The following NBAS variants were observed in gnomAD, a reference collection of about 807,000 sequenced individuals.
NBAS encodes NBAS subunit of NRZ tethering complex, also known as NAG/BC035112 fusion.
NBAS carries 219 observed loss-of-function variants against 302.5 expected under a neutral mutation model. That is an observed-to-expected ratio of 0.72 (90% CI 0.65 to 0.81). The LOEUF is 0.81. Ranked by LOEUF, NBAS falls within the 30% of genes least tolerant of loss-of-function variation. The pLI, the probability that NBAS is intolerant of heterozygous loss-of-function variation, is 0.00. For synonymous variants in NBAS, 1,118 were observed against 1,021.6 expected, an observed-to-expected ratio of 1.09 and a Z score of -1.80; for missense variants, 2,932 against 2,841.6, an observed-to-expected ratio of 1.03 and a Z score of -0.72.
At chr2:15,114,619 A>C in the NBAS span, among the ~76,000 whole-genome samples, 1 of 152,172 alleles carries the variant, frequency 6.6e-6, no homozygotes, top group Non-Finnish European at 1.5e-5. Context: ...TGATAAAACT[A>C]TAAAGAAAAA....
At chr2:15,348,611 A>G (rs1303952671) in intron 35 of NBAS, among the ~76,000 whole-genome samples, 1 of 152,192 alleles carries the variant, frequency 6.6e-6, no homozygotes, top group Non-Finnish European at 1.5e-5. Flanking sequence ...TGCTCAACAG[A>G]AAAATGATAC....
intron 21 of NBAS, among the ~76,000 whole-genome samples, chr2:15,433,445 T>C (rs1677858286): frequency 6.6e-6 from 1 of 152,194 alleles, no homozygotes; most frequent in African/African-American, 2.4e-5. Context: ...GAATACAAGA[T>C]ATATATGACT....
At chr2:14,826,468 T>C in the NBAS span, among the ~76,000 whole-genome samples, 1 of 152,158 alleles carries the variant, frequency 6.6e-6, no homozygotes, top group Non-Finnish European at 1.5e-5. Flanking sequence ...TGTGAGATAT[T>C]ATATATAAAT....
At chr2:15,542,894 C>T (rs997154024) in intron 6 of NBAS, among the ~76,000 whole-genome samples, 1 of 151,146 alleles carries the variant, frequency 6.6e-6, no homozygotes, top group Non-Finnish European at 1.5e-5. Context: ...CTTTTATATG[C>T]TAGTTACAAC....
intron 13 of NBAS, among the ~76,000 whole-genome samples, chr2:15,476,144 AACTG>A (rs1175107067): frequency 6.6e-6 from 1 of 152,160 alleles, no homozygotes; most frequent in East Asian, 1.9e-4. Context: ...AAGGCAAATA[AACTG>A]AGGTCTTTCA....
chr2:15,188,850 G>T (rs1665210066), intron 49 of NBAS, among the ~76,000 whole-genome samples: 1 of 152,170 alleles, frequency 6.6e-6, no homozygotes, highest in African/African-American at 2.4e-5. Flanking sequence ...GGAAATGAGG[G>T]TTAAGAAGAA....
At chr2:15,339,327 G>T (rs928195657) in intron 35 of NBAS, among the ~76,000 whole-genome samples, 1 of 152,056 alleles carries the variant, frequency 6.6e-6, no homozygotes, top group Non-Finnish European at 1.5e-5. Flanking sequence ...CTATTCCTAA[G>T]AAACTCATGG....
At chr2:15,242,820 A>T (rs1667925385) in intron 44 of NBAS, among the ~76,000 whole-genome samples, 1 of 152,112 alleles carries the variant, frequency 6.6e-6, no homozygotes, top group South Asian at 2.1e-4. Context: ...TATGAAAAAT[A>T]ATAATGGATT....
chr2:15,054,052 G>C, the NBAS span, among the ~76,000 whole-genome samples: 1 of 152,122 alleles, frequency 6.6e-6, no homozygotes, highest in African/African-American at 2.4e-5. Context: ...TGTCATGGAG[G>C]TCAACAATCC....
chr2:14,844,592 G>A, the NBAS span, among the ~76,000 whole-genome samples: 1 of 152,110 alleles, frequency 6.6e-6, no homozygotes, highest in Non-Finnish European at 1.5e-5. Context: ...CACACCAAGT[G>A]GGCTCATGGG....
At chr2:15,261,530 G>A (rs1459714851) in intron 44 of NBAS, among the ~76,000 whole-genome samples, 1 of 151,996 alleles carries the variant, frequency 6.6e-6, no homozygotes, top group Non-Finnish European at 1.5e-5. Context: ...AGTAATGCAG[G>A]GTATAGGCCA....
chr2:15,154,128 G>A, the NBAS span, among the ~76,000 whole-genome samples: 1 of 152,206 alleles, frequency 6.6e-6, no homozygotes. Context: ...TTGAGGCTGG[G>A]CTAATGTATC....
At chr2:14,987,306 A>T in the NBAS span, among the ~76,000 whole-genome samples, 1 of 152,084 alleles carries the variant, frequency 6.6e-6, no homozygotes, top group Non-Finnish European at 1.5e-5. Flanking sequence ...TTCATAAAAC[A>T]GTATTGCTGA....
chr2:15,310,159 T>C (rs188058159), intron 38 of NBAS, among the ~76,000 whole-genome samples: 1 of 152,340 alleles, frequency 6.6e-6, no homozygotes, highest in East Asian at 1.9e-4. Flanking sequence ...GTTGTTTGTA[T>C]AATCTCTGTT....
At chr2:14,789,284 C>T in the NBAS span, among the ~76,000 whole-genome samples, 1 of 152,202 alleles carries the variant, frequency 6.6e-6, no homozygotes. Flanking sequence ...CTTGCGCTTC[C>T]CAAGTGAGGC....
the NBAS span, among the ~76,000 whole-genome samples, chr2:15,053,851 G>A: frequency 1.3e-3 from 199 of 151,844 alleles, 1 homozygote; most frequent in Middle Eastern, 0.031. Context: ...AGGAAGGAAG[G>A]AAAAGGAGCA....
chr2:15,376,749 TAATA>T (rs1674763966), intron 30 of NBAS, among the ~76,000 whole-genome samples: 1 of 152,176 alleles, frequency 6.6e-6, no homozygotes, highest in Admixed American at 6.5e-5. Flanking sequence ...AAATGCTAAT[TAATA>T]AATAATACTT....
chr2:14,809,456 C>T, the NBAS span, among the ~76,000 whole-genome samples: 1 of 152,230 alleles, frequency 6.6e-6, no homozygotes, highest in Non-Finnish European at 1.5e-5. Context: ...TCAGAGGGTG[C>T]AAGCCCCAAA....
the NBAS span, among the ~76,000 whole-genome samples, chr2:14,882,954 T>C: frequency 6.6e-6 from 1 of 152,200 alleles, no homozygotes; most frequent in Non-Finnish European, 1.5e-5. Flanking sequence ...ATTGTTTACA[T>C]GAACCACTCT....
Sources: gnomAD v4.1 joint callset for allele counts (sites outside exome capture counted in the v4.1 genomes callset) on GRCh38, gnomAD v4.1.1 for gene constraint, MANE v1.5 for transcripts, NCBI Gene and HGNC (gene_info 2026-07-23, HGNC 2026-07-21) for gene names.